Variants in STAC observed in about 807,000 individuals in gnomAD.
STAC encodes the protein SH3 and cysteine rich domain.
Under a neutral mutation model 48.8 loss-of-function variants are expected in STAC, and 43 were observed. The observed-to-expected ratio is 0.88, with a 90% CI of 0.69 to 1.14. The LOEUF (loss-of-function observed/expected upper bound fraction) is 1.14. STAC is among the 50% of genes most tolerant of loss of function. The probability of loss-of-function intolerance (pLI) is 0.00; values close to 1 mark genes in which losing one functional copy is unlikely to be tolerated. For synonymous variants in STAC, 193 were observed against 179.5 expected (o/e 1.07, Z -0.60); for missense variants, 497 against 504.0 (o/e 0.99, Z 0.13).
intron 2 of STAC, among the ~76,000 whole-genome samples, chr3:36,481,526 G>A (rs1208556716): frequency 1.3e-5 from 2 of 152,190 alleles, no homozygotes; most frequent in Admixed American, 6.5e-5. Context: ...GGATGGCTGT[G>A]CTGTACAGTG....
chr3:36,461,860 A>G (rs1310682226), intron 2 of STAC, among the ~76,000 whole-genome samples: 1 of 152,182 alleles, frequency 6.6e-6, no homozygotes, highest in East Asian at 1.9e-4. Flanking sequence ...AGGAGCAGAG[A>G]GATCTTGTGC....
rs138964148 is a variant in STAC at position 36,484,410 on chromosome 3, C to A, written c.490-567C>A. Among the ~76,000 whole-genome samples the A allele has an allele frequency of 2.6e-3, 398 of 152,294 alleles. 2 individuals carry two copies. Among genetic ancestry groups the A allele is most frequent in the African/African-American group, 8.8e-3 (367 of 41,550 alleles). ...GTCTCTTTTCTCAAACCTCTGCCTC[C>A]CCTGCTTCCCCTTCTCCTTCTCCAG... On this transcript the variant is annotated intron_variant, in intron 3 of 10. Coordinates refer to ENST00000273183, the MANE Select transcript of STAC (RefSeq NM_003149.3).
chr3:36,543,318 A>G (rs1699372973), intron 10 of STAC, among the ~76,000 whole-genome samples: 2 of 152,206 alleles, frequency 1.3e-5, no homozygotes, highest in South Asian at 4.1e-4. Flanking sequence ...TACCATCAGA[A>G]TTTTAAATTC....
At chr3:36,466,896 G>A (rs1372797935) in intron 2 of STAC, among the ~76,000 whole-genome samples, 1 of 151,446 alleles carries the variant, frequency 6.6e-6, no homozygotes. Flanking sequence ...GAATAGAAAT[G>A]TTGAAAGTGG....
chr3:36,398,357 AAGAAAGAAAGAAAAGAAAGAG>A (rs1699906168), intron 1 of STAC, among the ~76,000 whole-genome samples: 1 of 141,394 alleles, frequency 7.1e-6, no homozygotes. Context: ...GAAAGAAAGA[AAGAAAGAAAGAAAAGAAAGAG>A]AGAAAGAAAG....
chr3:36,483,753 A>G (rs536482924), intron 3 of STAC, among the ~76,000 whole-genome samples: 63 of 152,292 alleles, frequency 4.1e-4, no homozygotes, highest in Admixed American at 8.5e-4. Flanking sequence ...GGAGTTCGAG[A>G]CCAGCCTGGG....
intron 1 of STAC, among the ~76,000 whole-genome samples, chr3:36,400,213 C>A (rs1221817773): frequency 3.3e-5 from 5 of 152,120 alleles, no homozygotes; most frequent in African/African-American, 7.2e-5. Flanking sequence ...GTTTCAGATT[C>A]AGATAGATAA....
chr3:36,415,262 C>A (rs1393384289), intron 1 of STAC, among the ~76,000 whole-genome samples: 1 of 152,204 alleles, frequency 6.6e-6, no homozygotes, highest in African/African-American at 2.4e-5. Context: ...GCCCTGCCCC[C>A]AGAGGTGGAG....
chr3:36,439,032 T>C (rs1412660016), intron 1 of STAC, among the ~76,000 whole-genome samples: 1 of 152,208 alleles, frequency 6.6e-6, no homozygotes, highest in Non-Finnish European at 1.5e-5. Flanking sequence ...GCCAGAAGTA[T>C]TGTCATCTCC....
At chr3:36,447,280 G>C (rs986497806) in intron 2 of STAC, among the ~76,000 whole-genome samples, 1 of 152,050 alleles carries the variant, frequency 6.6e-6, no homozygotes, top group Non-Finnish European at 1.5e-5. Flanking sequence ...AAAAAGGGGG[G>C]CATCTGTGAG....
At chr3:36,398,368 A>AAAAG (rs1220900639) in intron 1 of STAC, among the ~76,000 whole-genome samples, 1,897 of 102,916 alleles carry the variant, frequency 0.018, 101 homozygotes, top group East Asian at 0.051. Context: ...AGAAAGAAAG[A>AAAAG]AAAGAAAGAG....
intron 6 of STAC, 149 bp downstream of exon 6, chr3:36,493,378 A>G (rs1286456505): frequency 7.4e-6 from 5 of 671,886 alleles, no homozygotes; most frequent in African/African-American, 1.8e-5. Flanking sequence ...GAATGTGAGC[A>G]TTGTTTCTGG....
intron 10 of STAC, among the ~76,000 whole-genome samples, chr3:36,543,473 A>T (rs1332007533): frequency 6.6e-6 from 1 of 152,206 alleles, no homozygotes; most frequent in East Asian, 1.9e-4. Flanking sequence ...GGTTGAAAAT[A>T]AGCCAGTGCA....
chr3:36,505,756 C>T lies in STAC; in HGVS notation c.842C>T (p.Ser281Phe). The T allele has an allele frequency of 6.3e-7, 1 of 1,593,928 alleles. No individual in the cohort carries two copies. Among genetic ancestry groups the T allele is most frequent in the Non-Finnish European group, 8.5e-7 (1 of 1,171,532 alleles). ...AKNINHQGSL[S>F]KDPLQMNTYV... Reference sequence around the variant, plus strand: ...TATTTTCTCTTTCAGGGATCTCTTTCCAAAGACCCATTACAGATGAACACC... The same window carrying T: ...TATTTTCTCTTTCAGGGATCTCTTTTCAAAGACCCATTACAGATGAACACC... Residue 281 changes from serine to phenylalanine, a missense_variant, in exon 8 of 11, where the codon TCC becomes TTC. By Grantham distance (155) the Ser-to-Phe change is radical. Coordinates refer to ENST00000273183, the MANE Select transcript of STAC (RefSeq NM_003149.3).
At chr3:36,486,023 C>G (rs888960007) in intron 4 of STAC, 111 bp from the exon 5 acceptor site, 2 of 767,054 alleles carry the variant, frequency 2.6e-6, no homozygotes, top group Non-Finnish European at 4.4e-6. Flanking sequence ...AGGCTAAGTT[C>G]CTCTGCACAG....
At chr3:36,506,665 T>C (rs1434571424) in intron 8 of STAC, among the ~76,000 whole-genome samples, 1 of 152,200 alleles carries the variant, frequency 6.6e-6, no homozygotes, top group African/African-American at 2.4e-5. Flanking sequence ...GCTGGATTCC[T>C]AGGTATTTTA....
chr3:36,400,687 T>C (rs1191983700), intron 1 of STAC, among the ~76,000 whole-genome samples: 1 of 152,170 alleles, frequency 6.6e-6, no homozygotes, highest in Non-Finnish European at 1.5e-5. Context: ...AGCTGAGATT[T>C]TGCAGTTCTG....
intron 2 of STAC, among the ~76,000 whole-genome samples, chr3:36,474,223 T>A (rs184573210): frequency 6.6e-6 from 1 of 152,200 alleles, no homozygotes; most frequent in African/African-American, 2.4e-5. Context: ...CCATCACAAA[T>A]GTGATGAGAA....
At chr3:36,540,983 T>A (rs138654047) in intron 10 of STAC, among the ~76,000 whole-genome samples, 37 of 152,300 alleles carry the variant, frequency 2.4e-4, no homozygotes, top group African/African-American at 8.4e-4. Context: ...AAGAGTCTGA[T>A]AGAGGTCAGT....
Sources: gnomAD v4.1 joint callset for allele counts (sites outside exome capture counted in the v4.1 genomes callset) on GRCh38, gnomAD v4.1.1 for gene constraint, MANE v1.5 for transcripts, NCBI Gene and HGNC (gene_info 2026-07-23, HGNC 2026-07-21) for gene names.